Variants in MARK4 observed in about 807,000 individuals in gnomAD.
The protein encoded by MARK4 is microtubule affinity regulating kinase 4, also known as MAP/microtubule affinity-regulating kinase 4.
MARK4 carries 19 observed loss-of-function variants against 81.5 expected under a neutral mutation model. That is an observed-to-expected ratio of 0.23 (90% CI 0.16 to 0.34). The LOEUF (loss-of-function observed/expected upper bound fraction) is 0.34, where lower values mean the gene tolerates loss of function less well. MARK4 is among the 10% of genes least tolerant of loss of function. MARK4 has a pLI of 1.00. For missense variants in MARK4, 772 were observed against 1,058.8 expected, an observed-to-expected ratio of 0.73 and a Z score of 3.76; for synonymous variants, 436 against 439.0, an observed-to-expected ratio of 0.99 and a Z score of 0.08.
At chr19:45,270,436 G>T (rs980150481) in intron 7 of MARK4, among the ~76,000 whole-genome samples, 4 of 152,062 alleles carry the variant, frequency 2.6e-5, no homozygotes, top group African/African-American at 9.7e-5. Context: ...TTAAATTATT[G>T]CTTTCGTTTT....
chr19:45,280,309 AAG>A (rs1970654476), intron 10 of MARK4, 63 bp from the exon 11 acceptor site: 12 of 1,441,910 alleles, frequency 8.3e-6, no homozygotes, highest in South Asian at 5.8e-5. Flanking sequence ...CTCAAAAAAA[AAG>A]AGAAATGGAT....
intron 2 of MARK4, among the ~76,000 whole-genome samples, chr19:45,261,422 C>A (rs1970379346): frequency 6.6e-6 from 1 of 152,194 alleles, no homozygotes; most frequent in African/African-American, 2.4e-5. Flanking sequence ...TCATGTACTT[C>A]ACCACATTCT....
At chr19:45,301,557 CAAAAA>C (rs10630193) in intron 16 of MARK4, among the ~76,000 whole-genome samples, 14 of 49,516 alleles carry the variant, frequency 2.8e-4, no homozygotes, top group Admixed American at 2.5e-3. Flanking sequence ...AACTCTGTCT[CAAAAA>C]AAAAAAAAAA....
intron 1 of MARK4, 139 bp downstream of exon 1, chr19:45,251,778 G>T: frequency 1.3e-6 from 1 of 742,270 alleles, no homozygotes; most frequent in Non-Finnish European, 2.1e-6. Flanking sequence ...GACCCCTCCC[G>T]GACTTCCAGG....
intron 1 of MARK4, among the ~76,000 whole-genome samples, chr19:45,258,215 G>A (rs1970334339): frequency 6.6e-6 from 1 of 151,784 alleles, no homozygotes; most frequent in Non-Finnish European, 1.5e-5. Context: ...TCGAACTCCT[G>A]ACCTCATGAT....
chr19:45,291,453 C>T (rs1262625171), intron 13 of MARK4, among the ~76,000 whole-genome samples: 1 of 152,216 alleles, frequency 6.6e-6, no homozygotes, highest in African/African-American at 2.4e-5. Context: ...CAAGACCAAC[C>T]TGGCCAACAT....
At chr19:45,281,817 T>C (rs1466727659) in intron 12 of MARK4, among the ~76,000 whole-genome samples, 1 of 152,230 alleles carries the variant, frequency 6.6e-6, no homozygotes, top group Non-Finnish European at 1.5e-5. Flanking sequence ...CCCTCTGGCT[T>C]TGCCTCCACA....
intron 3 of MARK4, 76 bp downstream of exon 3, chr19:45,263,242 G>A (rs764226028): frequency 3.2e-4 from 521 of 1,613,340 alleles, no homozygotes; most frequent in Non-Finnish European, 4.2e-4. Context: ...CCCTTCCTGC[G>A]GGGGCCCGGC....
chr19:45,298,181 G>C, intron 15 of MARK4: 1 of 1,613,834 alleles, frequency 6.2e-7, no homozygotes, highest in Non-Finnish European at 8.5e-7. Flanking sequence ...AACTCTAACC[G>C]CTGTGTTTCG....
intron 10 of MARK4, among the ~76,000 whole-genome samples, chr19:45,279,708 A>G (rs1970646910): frequency 2.0e-5 from 3 of 152,208 alleles, no homozygotes; most frequent in Non-Finnish European, 4.4e-5. Context: ...ATTCTGCCAC[A>G]TAACTAAAAT....
In MARK4 at chr19:45,303,204, G is replaced by A. The variant is rs1971002240; in HGVS notation, c.*494G>A. 1 of 174,692 alleles carries A rather than the reference G, an allele frequency of 5.7e-6. No individual in the cohort carries two copies. Among genetic ancestry groups the A allele is most frequent in the Non-Finnish European group, 1.2e-5 (1 of 81,982 alleles). 10.8% of individuals were successfully genotyped at this position (174,692 alleles called of 1,614,324 possible). On this transcript the variant is annotated 3_prime_UTR_variant, in exon 17 of 17. Transcript: ENST00000262891. ...GCCCCAGGCTGGCGCGGGGCACTTT[G>A]TACAAATCCTTGTAAATACCCCACA...
chr19:45,280,961 C>G (rs1970666301), intron 12 of MARK4, among the ~76,000 whole-genome samples: 1 of 152,064 alleles, frequency 6.6e-6, no homozygotes, highest in Non-Finnish European at 1.5e-5. Context: ...AGACCCAGAG[C>G]AGACACTCTC....
At chr19:45,265,497 T>G (rs1273264672) in intron 6 of MARK4, among the ~76,000 whole-genome samples, 2 of 150,220 alleles carry the variant, frequency 1.3e-5, no homozygotes, top group African/African-American at 4.9e-5. Context: ...TGTAAGAGTG[T>G]GGGGGGGGCC....
chr19:45,271,366 A>T lies in MARK4; in HGVS notation c.550-106A>T. On this transcript the variant is annotated intron_variant, in intron 7 of 16. Transcript: ENST00000262891. The surrounding 1 kb of genome is among the most constrained non-coding windows in gnomAD (Gnocchi z 4.1). Reference sequence around the variant, plus strand: ...GAGTAAAGGACAGGCCCAAGAGTTGATCCCTGTGGGCCAGCCCTAGAGCCT... The same window carrying T: ...GAGTAAAGGACAGGCCCAAGAGTTGTTCCCTGTGGGCCAGCCCTAGAGCCT... 9.2e-7 allele frequency: 1 copy of T among 1,085,942 alleles called. No individual in the cohort carries two copies. The highest frequency in any genetic ancestry group is 1.4e-6 in the Non-Finnish European group (1 of 731,876). 67.3% of individuals were successfully genotyped at this position (1,085,942 alleles called of 1,614,324 possible).
chr19:45,298,079 T>TTCC (rs71173140), intron 15 of MARK4, 125 bp downstream of exon 15: 312,536 of 1,494,110 alleles, frequency 0.21, 25,991 homozygotes, highest in Non-Finnish European at 0.24. Flanking sequence ...TCCTCCTCGT[T>TTCC]TCCTCCTCCT....
rs1326209206 is a variant in MARK4 at position 45,302,361 on chromosome 19, C to T, written c.1923-13C>T. On this transcript the variant is annotated splice_polypyrimidine_tract_variant and intron_variant, in intron 16 of 16. Transcript: ENST00000262891. This position sits in a 1 kb window ranked among gnomAD's most constrained non-coding sequence, Gnocchi z 4.9. ...CGCTCCCATCTCTGACCCCTGACAT[C>T]TTCTCGCCTCAGTTGCCATCTACCT... 1.2e-6 allele frequency: 2 copies of T among 1,614,006 alleles called. No homozygotes were observed. Among genetic ancestry groups the T allele is most frequent in the Non-Finnish European group, 1.7e-6 (2 of 1,179,964 alleles).
intron 14 of MARK4, among the ~76,000 whole-genome samples, chr19:45,297,327 T>G (rs370951324): frequency 1.6e-4 from 24 of 152,288 alleles, no homozygotes; most frequent in Admixed American, 7.2e-4. Flanking sequence ...CCAAGTTGAT[T>G]TGGTTCCTGA....
chr19:45,294,317 C>T, intron 13 of MARK4, 32 bp from the exon 14 acceptor site: 1 of 1,602,210 alleles, frequency 6.2e-7, no homozygotes, highest in Non-Finnish European at 8.5e-7. Flanking sequence ...GTCTTCACCC[C>T]CTCACTCCCT....
chr19:45,283,389 A>G (rs1444458474), intron 12 of MARK4, among the ~76,000 whole-genome samples: 1 of 143,324 alleles, frequency 7.0e-6, no homozygotes, highest in Non-Finnish European at 1.5e-5. Context: ...AGCCTGGGCG[A>G]TAAGAGTGAG....
Sources: allele counts gnomAD v4.1 joint callset (sites outside exome capture counted in the v4.1 genomes callset), GRCh38; gene constraint gnomAD v4.1.1; non-coding constraint Gnocchi (gnomAD v3.1); transcripts MANE v1.5; gene names NCBI Gene and HGNC (gene_info 2026-07-23, HGNC 2026-07-21).